Variants in LRRTM4 observed in about 807,000 individuals in gnomAD.
The protein encoded by LRRTM4 is leucine rich repeat transmembrane neuronal 4, also known as leucine-rich repeat transmembrane neuronal protein 4.
In LRRTM4, 25 loss-of-function variants were observed where a neutral mutation model predicts 47.6. The ratio of observed to expected loss-of-function variants is 0.53; its 90% CI spans 0.38 to 0.73. The LOEUF (loss-of-function observed/expected upper bound fraction) is 0.73. Ranked by LOEUF, LRRTM4 falls within the 30% of genes least tolerant of loss-of-function variation. The pLI, the probability that LRRTM4 is intolerant of heterozygous loss-of-function variation, is 0.00. For synonymous variants in LRRTM4, 311 were observed against 269.5 expected (o/e 1.15, Z -1.51); for missense variants, 638 against 713.4 (o/e 0.89, Z 1.20).
intron 3 of LRRTM4, among the ~76,000 whole-genome samples, chr2:77,026,172 GA>G (rs1269006199): frequency 6.6e-6 from 1 of 152,034 alleles, no homozygotes; most frequent in African/African-American, 2.4e-5. Context: ...AGCATTACAA[GA>G]AAAAAATATT....
At chr2:77,314,920 C>G (rs573373661) in intron 3 of LRRTM4, among the ~76,000 whole-genome samples, 3 of 152,130 alleles carry the variant, frequency 2.0e-5, no homozygotes, top group African/African-American at 7.2e-5. Flanking sequence ...GGTAAACACT[C>G]GATCTCTGCA....
chr2:77,292,499 A>G (rs1190721631), intron 3 of LRRTM4, among the ~76,000 whole-genome samples: 1 of 152,230 alleles, frequency 6.6e-6, no homozygotes, highest in East Asian at 1.9e-4. Flanking sequence ...CATCTACACC[A>G]TGGAATACTA....
chr2:76,975,272 A>C (rs1273592896), intron 3 of LRRTM4, among the ~76,000 whole-genome samples: 1 of 151,800 alleles, frequency 6.6e-6, no homozygotes, highest in Non-Finnish European at 1.5e-5. Flanking sequence ...GAAACAGGGC[A>C]TCTTACTTCC....
rs558977306 is a variant in LRRTM4, at chr2:76,793,638, G to A, written c.1552-44722C>T. On this transcript the variant is annotated intron_variant, in intron 3 of 3. Transcript: ENST00000409884. ...GTTTTGAGGGCTACCAGGAAAAAGC[G>A]CAAAAGAGGGAACACAGGATATGGT... 8.5e-5 allele frequency among the ~76,000 whole-genome samples: 13 copies of A among 152,116 alleles called. No homozygotes were observed. The South Asian group carries it at 2.3e-3, about 27-fold the overall frequency.
intron 3 of LRRTM4, among the ~76,000 whole-genome samples, chr2:76,877,754 CA>C (rs1160365402): frequency 1.3e-5 from 2 of 152,018 alleles, no homozygotes; most frequent in East Asian, 3.9e-4. Context: ...GAGGATCGAG[CA>C]TTGAAGTAGC....
intron 3 of LRRTM4, among the ~76,000 whole-genome samples, chr2:77,085,267 A>C (rs1377385954): frequency 6.6e-6 from 1 of 151,958 alleles, no homozygotes; most frequent in African/African-American, 2.4e-5. Context: ...ATTTCATAGT[A>C]AGCCTTTTAT....
intron 3 of LRRTM4, among the ~76,000 whole-genome samples, chr2:76,928,633 A>G (rs534728155): frequency 6.6e-6 from 1 of 152,170 alleles, no homozygotes; most frequent in Non-Finnish European, 1.5e-5. Context: ...ATGGGCATTC[A>G]GGGAAACCAA....
At chr2:76,852,734 G>A (rs1005724831) in intron 3 of LRRTM4, among the ~76,000 whole-genome samples, 2 of 152,112 alleles carry the variant, frequency 1.3e-5, no homozygotes, top group African/African-American at 4.8e-5. Context: ...AACTCAAAGT[G>A]TGGAGTGAGA....
Position 77,519,054 on chromosome 2 carries a change from G to C in LRRTM4, c.815C>G (p.Thr272Arg), listed in dbSNP as rs781213390. Residue 272 changes from threonine to arginine, a missense_variant, in exon 3 of 4, where the codon ACA (threonine) becomes AGA (arginine). Physicochemically the swap from Thr to Arg is moderately conservative, Grantham distance 71 (BLOSUM62 -1). Transcript: ENST00000409884. The surrounding 1 kb of genome is among the most constrained non-coding windows in gnomAD (Gnocchi z 4.6). The stretch of plus-strand genomic sequence containing the variant: ...TTGTAAATTGGGGAGGCATTTAAAT[G>C]TGCCCGGCTCAATTCCTTGGATGTC... ...GNDIQGIEPG[T>R]FKCLPNLQKL... 1 of 1,612,466 alleles carries C rather than the reference G, an allele frequency of 6.2e-7. No individual in the cohort carries two copies. The highest frequency in any genetic ancestry group is 1.7e-5 in the Admixed American group (1 of 59,756).
At chr2:77,354,106 T>A (rs186090637) in intron 3 of LRRTM4, among the ~76,000 whole-genome samples, 1 of 152,284 alleles carries the variant, frequency 6.6e-6, no homozygotes, top group Admixed American at 6.5e-5. Context: ...GGGTCACTGC[T>A]ATGGAAAGGG....
chr2:77,411,618 A>ATT (rs1222177148), intron 3 of LRRTM4, among the ~76,000 whole-genome samples: 4,053 of 64,792 alleles, frequency 0.063, 660 homozygotes, highest in African/African-American at 0.25. Flanking sequence ...ATGCCCGGCT[A>ATT]TTTTTTTTTT....
chr2:76,781,627 C>T (rs528251903), intron 3 of LRRTM4, among the ~76,000 whole-genome samples: 204 of 152,362 alleles, frequency 1.3e-3, no homozygotes, highest in African/African-American at 4.3e-3. Context: ...GCATGGTGCG[C>T]GCACCCACTG....
intron 3 of LRRTM4, among the ~76,000 whole-genome samples, chr2:77,037,919 T>C (rs776191471): frequency 6.6e-6 from 1 of 151,534 alleles, no homozygotes; most frequent in Non-Finnish European, 1.5e-5. Flanking sequence ...ATTCTAGGAG[T>C]GAAGTGTTTC....
At chr2:77,160,041 G>T (rs1672669554) in intron 3 of LRRTM4, among the ~76,000 whole-genome samples, 3 of 152,072 alleles carry the variant, frequency 2.0e-5, no homozygotes. Flanking sequence ...TAATCACTCT[G>T]GTGTGGTGTC....
chr2:76,817,921 A>T (rs1336342332), intron 3 of LRRTM4, among the ~76,000 whole-genome samples: 3 of 151,952 alleles, frequency 2.0e-5, no homozygotes, highest in Non-Finnish European at 4.4e-5. Context: ...ATTTAGCATA[A>T]AGCATATCAT....
At chr2:77,106,252 G>A (rs1429576270) in intron 3 of LRRTM4, among the ~76,000 whole-genome samples, 1 of 152,090 alleles carries the variant, frequency 6.6e-6, no homozygotes, top group Non-Finnish European at 1.5e-5. Flanking sequence ...TTAAAATGTA[G>A]GTATTGGTTC....
chr2:76,765,127 T>G (rs1558638155), intron 3 of LRRTM4, among the ~76,000 whole-genome samples: 1 of 152,172 alleles, frequency 6.6e-6, no homozygotes, highest in Non-Finnish European at 1.5e-5. Context: ...GTAGTGGAAT[T>G]TTTTGGGACC....
chr2:77,316,507 C>T (rs957193141), intron 3 of LRRTM4, among the ~76,000 whole-genome samples: 6 of 151,732 alleles, frequency 4.0e-5, no homozygotes, highest in African/African-American at 9.7e-5. Context: ...AACATATACT[C>T]CTATATACCA....
intron 3 of LRRTM4, among the ~76,000 whole-genome samples, chr2:76,831,205 ATGTG>A (rs759667385): frequency 2.0e-5 from 3 of 152,034 alleles, no homozygotes; most frequent in Admixed American, 1.3e-4. Context: ...ATGTGTGCAT[ATGTG>A]TGTGTGTGAA....
Sources: allele counts gnomAD v4.1 joint callset (sites outside exome capture counted in the v4.1 genomes callset), GRCh38; gene constraint gnomAD v4.1.1; non-coding constraint Gnocchi (gnomAD v3.1); transcripts MANE v1.5; gene names NCBI Gene and HGNC (gene_info 2026-07-23, HGNC 2026-07-21).